The following CAMTA1 variants were observed in gnomAD, a reference collection of about 807,000 sequenced individuals.
CAMTA1 encodes the protein calmodulin binding transcription activator 1, also known as calmodulin-binding transcription activator 1.
A neutral mutation model predicts 170.9 loss-of-function variants in CAMTA1; 27 were observed. The ratio of observed to expected loss-of-function variants is 0.16; its 90% confidence interval spans 0.12 to 0.22. The LOEUF (loss-of-function observed/expected upper bound fraction) is 0.22. Among genes scored for constraint, CAMTA1 ranks in the 10% least tolerant of loss-of-function variants. The probability of loss-of-function intolerance (pLI) is 1.00; values close to 1 mark genes in which losing one functional copy is unlikely to be tolerated. For missense variants in CAMTA1, 1,619 were observed against 2,217.2 expected (o/e 0.73, Z 5.42); for synonymous variants, 833 against 891.5 (o/e 0.93, Z 1.17).
At chr1:6,913,432 C>T (rs1281933325) in intron 3 of CAMTA1, among the ~76,000 whole-genome samples, 3 of 152,184 alleles carry the variant, frequency 2.0e-5, no homozygotes, top group Non-Finnish European at 4.4e-5. Flanking sequence ...GTGCCCTCCC[C>T]AGCAGAGCCA....
At chr1:7,314,950 T>G (rs1325071495) in intron 5 of CAMTA1, among the ~76,000 whole-genome samples, 1 of 152,228 alleles carries the variant, frequency 6.6e-6, no homozygotes, top group South Asian at 2.1e-4. Context: ...GGACTGTCTC[T>G]GGCTGAAGGA....
At chr1:7,575,337 T>C (rs1024325806) in intron 6 of CAMTA1, among the ~76,000 whole-genome samples, 3 of 152,156 alleles carry the variant, frequency 2.0e-5, no homozygotes, top group Admixed American at 1.3e-4. Context: ...CCTTGTTTTT[T>C]AGTGCATCAA....
chr1:7,246,777 C>T (rs1222324715), intron 4 of CAMTA1, among the ~76,000 whole-genome samples: 2 of 147,368 alleles, frequency 1.4e-5, no homozygotes, highest in African/African-American at 2.5e-5. Context: ...AAAGATTCTC[C>T]TGCCTCAGCC....
At chr1:7,436,095 C>G (rs2092338208) in intron 5 of CAMTA1, among the ~76,000 whole-genome samples, 1 of 152,202 alleles carries the variant, frequency 6.6e-6, no homozygotes, top group Non-Finnish European at 1.5e-5. Context: ...GCTCGAGCCA[C>G]AGCCTGATAT....
chr1:7,336,774 C>T (rs567187024), intron 5 of CAMTA1, among the ~76,000 whole-genome samples: 2 of 152,174 alleles, frequency 1.3e-5, no homozygotes, highest in African/African-American at 2.4e-5. Flanking sequence ...GGCTGGGAAC[C>T]TCCCCTGCAG....
chr1:7,018,443 A>G (rs1349684574), intron 3 of CAMTA1, among the ~76,000 whole-genome samples: 1 of 151,876 alleles, frequency 6.6e-6, no homozygotes, highest in Non-Finnish European at 1.5e-5. Flanking sequence ...CATCATCTTT[A>G]CCCCCAGAAA....
At chr1:6,846,971 G>A (rs1658417354) in intron 3 of CAMTA1, among the ~76,000 whole-genome samples, 1 of 152,074 alleles carries the variant, frequency 6.6e-6, no homozygotes, top group Non-Finnish European at 1.5e-5. Context: ...GCAAAAAGGA[G>A]CAGTGATGGT....
intron 4 of CAMTA1, among the ~76,000 whole-genome samples, chr1:7,155,053 T>C (rs1419226458): frequency 6.6e-6 from 1 of 152,048 alleles, no homozygotes; most frequent in Non-Finnish European, 1.5e-5. Context: ...CCAGCCAGGA[T>C]GAGTAAAAGG....
intron 4 of CAMTA1, among the ~76,000 whole-genome samples, chr1:7,182,047 G>C (rs991379089): frequency 4.0e-5 from 6 of 150,526 alleles, no homozygotes; most frequent in African/African-American, 1.5e-4. Flanking sequence ...TCTTGAAATA[G>C]ACCCCAAGTT....
At chr1:7,711,314 T>A (rs1033917385) in intron 11 of CAMTA1, among the ~76,000 whole-genome samples, 1 of 152,162 alleles carries the variant, frequency 6.6e-6, no homozygotes, top group Admixed American at 6.5e-5. Flanking sequence ...TACCATCACG[T>A]TGGGAGTTGG....
At chr1:7,607,567 G>A (rs982747304) in intron 6 of CAMTA1, among the ~76,000 whole-genome samples, 6 of 152,092 alleles carry the variant, frequency 3.9e-5, no homozygotes, top group East Asian at 1.9e-4. Context: ...TATATGGAGG[G>A]GTGGGAGAAT....
Position 6,996,385 on chromosome 1 carries a change from GTCTCTGCTGCAGCAGAAA to G in CAMTA1, c.235-94912_235-94895del, listed in dbSNP as rs1697255314. On this transcript the variant is annotated intron_variant, in intron 3 of 22. Transcript: ENST00000303635. ...GAGTTCAAACTATAAACTCTGTCTT[GTCTCTGCTGCAGCAGAAA>G]TCTCTGTCCAGGTGTTTAGGCCTTA... 2.6e-5 allele frequency among the ~76,000 whole-genome samples: 4 copies of G among 152,296 alleles called. No homozygotes were observed. In the South Asian group the frequency reaches 8.3e-4, roughly 32 times the overall value.
At chr1:7,498,982 G>A (rs1177023669) in intron 6 of CAMTA1, among the ~76,000 whole-genome samples, 1 of 139,798 alleles carries the variant, frequency 7.2e-6, no homozygotes, top group Non-Finnish European at 1.5e-5. Context: ...AGTCTGGTGT[G>A]CGTGTGTATG....
intron 6 of CAMTA1, among the ~76,000 whole-genome samples, chr1:7,626,862 G>A (rs2095637168): frequency 6.6e-6 from 1 of 152,198 alleles, no homozygotes; most frequent in Non-Finnish European, 1.5e-5. Context: ...GAAGGGTTTA[G>A]GAGACCCCTG....
chr1:7,005,198 C>T (rs1698804734), intron 3 of CAMTA1, among the ~76,000 whole-genome samples: 1 of 152,202 alleles, frequency 6.6e-6, no homozygotes, highest in Non-Finnish European at 1.5e-5. Context: ...CTTGATCTCA[C>T]CTGGGAAATT....
rs77230691 is a variant in CAMTA1, at chr1:7,032,614, A to G, written c.235-58690A>G. Among the ~76,000 whole-genome samples, 791 of 152,220 alleles carry G rather than the reference A, an allele frequency of 5.2e-3. 7 individuals are homozygous for G. Among genetic ancestry groups the G allele is most frequent in the African/African-American group, 0.018 (745 of 41,536 alleles). ...TAGATTTAAGGAATAAAAAGTCTTT[A>G]TATATACCCACATCTCTACCATTTC... is the stretch of plus-strand genomic sequence containing the variant. On this transcript the variant is annotated intron_variant, in intron 3 of 22. Transcript: ENST00000303635.
intron 7 of CAMTA1, among the ~76,000 whole-genome samples, chr1:7,655,287 C>CACAAAA (rs572652624): frequency 6.9e-6 from 1 of 145,876 alleles, no homozygotes; most frequent in Admixed American, 6.8e-5. Flanking sequence ...CCGTTATACA[C>CACAAAA]ACACACACCT....
chr1:7,731,083 A>G (rs910647914), intron 11 of CAMTA1, among the ~76,000 whole-genome samples: 1 of 152,056 alleles, frequency 6.6e-6, no homozygotes, highest in Non-Finnish European at 1.5e-5. Flanking sequence ...TAACATGTGT[A>G]TGTTTGTGTG....
At chr1:7,692,191 C>T (rs2096323649) in intron 11 of CAMTA1, among the ~76,000 whole-genome samples, 1 of 152,178 alleles carries the variant, frequency 6.6e-6, no homozygotes, top group Non-Finnish European at 1.5e-5. Context: ...AGGCAAATGA[C>T]CCAAGACCAA....
Sources: allele counts gnomAD v4.1 joint callset (sites outside exome capture counted in the v4.1 genomes callset), GRCh38; gene constraint gnomAD v4.1.1; transcripts MANE v1.5; gene names NCBI Gene and HGNC (gene_info 2026-07-23, HGNC 2026-07-21).